The following PCDHGA1 variants were observed in gnomAD, a reference collection of about 807,000 sequenced individuals.
The protein encoded by PCDHGA1 is protocadherin gamma-A1.
PCDHGA1 carries 32 observed loss-of-function variants against 58.0 expected under a neutral mutation model. The ratio of observed to expected loss-of-function variants is 0.55; its 90% CI spans 0.42 to 0.74. The LOEUF (loss-of-function observed/expected upper bound fraction) is 0.74, where lower values mean the gene tolerates loss of function less well. Ranked by LOEUF, PCDHGA1 falls within the 30% of genes least tolerant of loss-of-function variation. The pLI is 0.00. For synonymous variants in PCDHGA1, 498 were observed against 501.1 expected (o/e 0.99, Z 0.08); for missense variants, 1,205 against 1,182.3 (o/e 1.02, Z -0.28).
intron 1 of PCDHGA1, among the ~76,000 whole-genome samples, chr5:141,461,616 T>A (rs1399885412): frequency 6.6e-6 from 1 of 152,236 alleles, no homozygotes; most frequent in African/African-American, 2.4e-5. Context: ...CAAAGTATTT[T>A]CTAATACACC....
intron 1 of PCDHGA1, chr5:141,355,084 A>G (rs1396443038): frequency 6.9e-7 from 1 of 1,440,360 alleles, no homozygotes; most frequent in Admixed American, 2.5e-5. Context: ...CTTCAAGCGG[A>G]AGCCCTGAGA....
rs774333465 is a variant in PCDHGA1 at position 141,365,744 on chromosome 5, T to A, written c.2421+32639T>A. On this transcript the variant is annotated intron_variant, in intron 1 of 3. Transcript: ENST00000517417. Reference sequence around the variant, plus strand: ...AAACAATCCCAGAGGTGTCTCTATCTTCTCTGTGACAGCCCATGACCCCGA... The same window carrying A: ...AAACAATCCCAGAGGTGTCTCTATCATCTCTGTGACAGCCCATGACCCCGA... 3.7e-6 allele frequency: 6 copies of A among 1,613,660 alleles called. No homozygotes were observed. Among genetic ancestry groups the A allele is most frequent in the Non-Finnish European group, 4.2e-6 (5 of 1,179,882 alleles).
At chr5:141,466,864 C>G (rs925681539) in intron 1 of PCDHGA1, among the ~76,000 whole-genome samples, 24 of 151,910 alleles carry the variant, frequency 1.6e-4, no homozygotes, top group African/African-American at 5.3e-4. Flanking sequence ...TTTTGAAATC[C>G]ACACATTTTT....
chr5:141,502,250 TA>T (rs2099813542), intron 2 of PCDHGA1, among the ~76,000 whole-genome samples: 1 of 152,242 alleles, frequency 6.6e-6, no homozygotes, highest in African/African-American at 2.4e-5. Flanking sequence ...TCCTTTTTTT[TA>T]ATCCAGGATT....
chr5:141,353,966 T>C (rs540808482), intron 1 of PCDHGA1, among the ~76,000 whole-genome samples: 1 of 152,356 alleles, frequency 6.6e-6, no homozygotes, highest in Admixed American at 6.5e-5. Context: ...GCTTAAGAAC[T>C]GATGTACTGC....
chr5:141,415,264 C>T, intron 1 of PCDHGA1: 3 of 1,614,210 alleles, frequency 1.9e-6, no homozygotes, highest in South Asian at 1.1e-5. Flanking sequence ...CACTCTGTAC[C>T]TGGTGGTAGC....
intron 1 of PCDHGA1, chr5:141,410,203 C>T: frequency 1.9e-6 from 3 of 1,614,022 alleles, no homozygotes; most frequent in Non-Finnish European, 2.5e-6. Flanking sequence ...TCGCAGACAA[C>T]TTGCAAGAGA....
intron 1 of PCDHGA1, chr5:141,394,346 C>T: frequency 1.2e-6 from 2 of 1,614,156 alleles, no homozygotes; most frequent in Non-Finnish European, 1.7e-6. Context: ...ACTCTGACAC[C>T]GGTGTCCTGT....
chr5:141,421,429 G>A, intron 1 of PCDHGA1: 1 of 1,614,090 alleles, frequency 6.2e-7, no homozygotes, highest in Non-Finnish European at 8.5e-7. Context: ...AGTCCGCATC[G>A]TCTCCAGAGG....
intron 1 of PCDHGA1, chr5:141,346,474 C>A (rs2149740924): frequency 1.9e-6 from 3 of 1,613,596 alleles, no homozygotes; most frequent in East Asian, 4.5e-5. Context: ...TTATTTATTT[C>A]TTTGATTATT....
chr5:141,404,585 A>G (rs541341061), intron 1 of PCDHGA1: 2 of 1,614,006 alleles, frequency 1.2e-6, no homozygotes, highest in East Asian at 2.2e-5. Context: ...ACTTAGCAGC[A>G]ATGTGTCATT....
Position 141,399,778 on chromosome 5 carries a change from C to G in PCDHGA1, c.2421+66673C>G, listed in dbSNP as rs187080333. ...GAGCCTGCGCGTGTTGGTGGGCGACCGAAACGACAACGCACCGCGGGTGCT... is the reference window on the plus strand; with the variant it reads ...GAGCCTGCGCGTGTTGGTGGGCGACGGAAACGACAACGCACCGCGGGTGCT... On this transcript the variant is annotated intron_variant, in intron 1 of 3. Coordinates refer to ENST00000517417, the MANE Select transcript of PCDHGA1 (RefSeq NM_018912.3). The G allele has an allele frequency of 3.4e-4, 542 of 1,613,250 alleles. 2 individuals are homozygous for G. The African/African-American group carries it at 5.6e-3, about 17-fold the overall frequency.
chr5:141,380,340 TG>T (rs1383873697), intron 1 of PCDHGA1, among the ~76,000 whole-genome samples: 2 of 152,164 alleles, frequency 1.3e-5, no homozygotes, highest in Non-Finnish European at 2.9e-5. Flanking sequence ...TTCAAAGAAC[TG>T]TTTTGTTGTT....
chr5:141,414,515 C>T, intron 1 of PCDHGA1: 1 of 1,613,958 alleles, frequency 6.2e-7, no homozygotes, highest in Non-Finnish European at 8.5e-7. Flanking sequence ...CTACAAGTGG[C>T]AGATATCAAT....
intron 1 of PCDHGA1, among the ~76,000 whole-genome samples, chr5:141,471,706 A>G (rs2099262749): frequency 6.6e-6 from 1 of 152,212 alleles, no homozygotes; most frequent in African/African-American, 2.4e-5. Context: ...CTGGAATAGA[A>G]GTGCCACTTA....
intron 1 of PCDHGA1, among the ~76,000 whole-genome samples, chr5:141,482,530 C>CAAAAAAAAAA (rs3074545): frequency 1.2e-3 from 90 of 76,428 alleles, no homozygotes; most frequent in African/African-American, 1.7e-3. Context: ...GACAGACATG[C>CAAAAAAAAAA]AAAAAAAAAA....
intron 1 of PCDHGA1, chr5:141,492,036 T>A: frequency 1.9e-6 from 1 of 536,866 alleles, no homozygotes; most frequent in Non-Finnish European, 3.2e-6. Flanking sequence ...GAGGAGGCAG[T>A]CACAGATCCA....
At chr5:141,494,250 G>C (rs908660385) in intron 1 of PCDHGA1, among the ~76,000 whole-genome samples, 3 of 152,182 alleles carry the variant, frequency 2.0e-5, no homozygotes, top group African/African-American at 7.2e-5. Flanking sequence ...TTTAGCTGTG[G>C]GAAGAGATTC....
intron 1 of PCDHGA1, chr5:141,339,529 T>A (rs1255226874): frequency 6.2e-7 from 1 of 1,614,124 alleles, no homozygotes; most frequent in Non-Finnish European, 8.5e-7. Flanking sequence ...GAAGGGGAGC[T>A]GATGGGAACA....
Sources: gnomAD v4.1 joint callset for allele counts (sites outside exome capture counted in the v4.1 genomes callset) on GRCh38, gnomAD v4.1.1 for gene constraint, MANE v1.5 for transcripts, NCBI Gene and HGNC (gene_info 2026-07-23, HGNC 2026-07-21) for gene names.